Variants in ZNF746 observed in about 807,000 individuals in gnomAD.
ZNF746 encodes zinc finger protein 746, also known as parkin-interacting substrate.
Under a neutral mutation model 41.0 loss-of-function variants are expected in ZNF746, and 13 were observed. That is an observed-to-expected ratio of 0.32 (90% CI 0.21 to 0.50). The LOEUF (loss-of-function observed/expected upper bound fraction) is 0.50. Ranked by LOEUF, ZNF746 falls within the 20% of genes least tolerant of loss-of-function variation. The pLI, the probability that ZNF746 is intolerant of heterozygous loss-of-function variation, is 0.98. For synonymous variants in ZNF746, 424 were observed against 396.2 expected (o/e 1.07, Z -0.83); for missense variants, 811 against 922.9 (o/e 0.88, Z 1.57).
rs1044172190 is a variant in ZNF746, at chr7:149,497,348, G to T, written c.24+165C>A. ...CGGAGTGGGGGCCCGGCCGACGGGC[G>T]CAGTAGGCCCCGGCGGACCCCGCGC... On this transcript the variant is annotated intron_variant, in intron 1 of 6. Coordinates refer to ENST00000458143, the MANE Select transcript of ZNF746 (RefSeq NM_001394198.1). The surrounding 1 kb of genome is among the most constrained non-coding windows in gnomAD (Gnocchi z 4.2). 7.9e-4 allele frequency: 771 copies of T among 974,398 alleles called. 1 individual carries two copies. The highest frequency in any genetic ancestry group is 9.2e-4 in the Non-Finnish European group (752 of 820,284). 60.4% of individuals were successfully genotyped at this position (974,398 alleles called of 1,614,324 possible).
rs1044085789 is a variant in ZNF746 at position 149,494,840 on chromosome 7, G to A, written c.25-337C>T. Among the ~76,000 whole-genome samples the A allele has an allele frequency of 6.6e-6, 1 of 151,862 alleles. No homozygotes were observed. Among genetic ancestry groups the A allele is most frequent in the Non-Finnish European group, 1.5e-5 (1 of 67,996 alleles). ...TTTCATACCACTGTCCTTGACACAT[G>A]GCAGGTACCCAGTGCAATTTTGTTA... is the stretch of plus-strand genomic sequence containing the variant. On this transcript the variant is annotated intron_variant, in intron 1 of 6. Transcript: ENST00000458143. The surrounding 1 kb of genome is among the most constrained non-coding windows in gnomAD (Gnocchi z 5.6).
At chr7:149,476,649 C>A (rs1056973702) in intron 6 of ZNF746, among the ~76,000 whole-genome samples, 2 of 152,146 alleles carry the variant, frequency 1.3e-5, no homozygotes, top group Admixed American at 1.3e-4. Context: ...GGAGGTATAT[C>A]CTTCAAGAGA....
chr7:149,481,185 G>GC (rs1330960058), intron 4 of ZNF746, among the ~76,000 whole-genome samples: 21 of 152,174 alleles, frequency 1.4e-4, no homozygotes, highest in Non-Finnish European at 7.4e-5. Context: ...ATCTTCAAAA[G>GC]CTAAGAGAAA....
At chr7:149,490,479 G>C (rs1800764038) in intron 4 of ZNF746, 2 of 152,510 alleles carry the variant, frequency 1.3e-5, no homozygotes, top group East Asian at 3.9e-4. Flanking sequence ...CAAGAGTGCT[G>C]AGGGTGTGTG....
intron 4 of ZNF746, among the ~76,000 whole-genome samples, chr7:149,482,068 T>C (rs1413348728): frequency 1.3e-5 from 2 of 152,262 alleles, no homozygotes; most frequent in African/African-American, 2.4e-5. Context: ...AAATGATTTA[T>C]ATTATTTTAT....
In ZNF746 at chr7:149,497,438, GC is replaced by G; in HGVS notation, c.24+74del. 1 of 1,051,070 alleles carries G rather than the reference GC, an allele frequency of 9.5e-7. No homozygotes were observed. Among genetic ancestry groups the G allele is most frequent in the East Asian group, 7.4e-5 (1 of 13,464 alleles). 65.1% of individuals were successfully genotyped at this position (1,051,070 alleles called of 1,614,324 possible). On this transcript the variant is annotated intron_variant, in intron 1 of 6. Transcript: ENST00000458143. The surrounding 1 kb of genome is among the most constrained non-coding windows in gnomAD (Gnocchi z 4.2). ...ACCCCGGAACCCCTCCCCAGGGCCT[GC>G]GGCGCCGTGTGCCGGGGCCGGGCCG...
In ZNF746 at chr7:149,497,702, G is replaced by A; in HGVS notation, c.-166C>T. 2.7e-6 allele frequency: 1 copy of A among 375,502 alleles called. No homozygotes were observed. The highest frequency in any genetic ancestry group is 3.7e-6 in the Non-Finnish European group (1 of 271,196). The allele number at this position is 375,502 out of a possible 1,614,324, so 23.3% of individuals were successfully genotyped here. On this transcript the variant is annotated 5_prime_UTR_variant, in exon 1 of 7. Transcript: ENST00000458143. This position sits in a 1 kb window ranked among gnomAD's most constrained non-coding sequence, Gnocchi z 4.2. ...CCCCTGCGCCGCGCCGCCCGCAGTC[G>A]CGCCGCCTCCGTCAGCGCCCGGCCG... is the stretch of plus-strand genomic sequence containing the variant.
chr7:149,474,294 GCGTCTGCCTGAAGCTTCCA>G lies in ZNF746; in HGVS notation c.*71_*89del. On this transcript the variant is annotated 3_prime_UTR_variant, in exon 7 of 7. Coordinates refer to ENST00000458143, the MANE Select transcript of ZNF746 (RefSeq NM_001394198.1). The surrounding 1 kb of genome is among the most constrained non-coding windows in gnomAD (Gnocchi z 6.3). ...TTGGACATTTGGTTCTCCCCGTCCC[GCGTCTGCCTGAAGCTTCCA>G]CGCCGCCCTGCTGCCTGCACACGGG... 6.9e-7 allele frequency: 1 copy of G among 1,449,744 alleles called. No individual in the cohort carries two copies. Among genetic ancestry groups the G allele is most frequent in the Non-Finnish European group, 9.4e-7 (1 of 1,066,742 alleles). The allele number at this position is 1,449,744 out of a possible 1,614,324, so 89.8% of individuals were successfully genotyped here.
chr7:149,487,102 A>G (rs1044560093), intron 4 of ZNF746, among the ~76,000 whole-genome samples: 3 of 151,916 alleles, frequency 2.0e-5, no homozygotes, highest in African/African-American at 7.3e-5. Flanking sequence ...AGCAGCGCGA[A>G]CCCTATTGTG....
At chr7:149,477,789 C>T in intron 4 of ZNF746, 34 bp from the exon 5 acceptor site, 2 of 1,547,592 alleles carry the variant, frequency 1.3e-6, no homozygotes, top group South Asian at 1.2e-5. Flanking sequence ...GATACAGCAT[C>T]ACGGCCCCTC....
chr7:149,497,240 AG>A lies in ZNF746; in HGVS notation c.24+272del. On this transcript the variant is annotated intron_variant, in intron 1 of 6. Transcript: ENST00000458143. This position sits in a 1 kb window ranked among gnomAD's most constrained non-coding sequence, Gnocchi z 4.2. Reference sequence around the variant, plus strand: ...AGGGGACAGCGGCTGGGGCGGGGGCAGGAAGCCCCGGAGGGCCCAAAGAACT... The same window carrying A: ...AGGGGACAGCGGCTGGGGCGGGGGCAGAAGCCCCGGAGGGCCCAAAGAACT... 2.0e-6 allele frequency: 2 copies of A among 982,588 alleles called. No homozygotes were observed. Among genetic ancestry groups the A allele is most frequent in the Non-Finnish European group, 2.4e-6 (2 of 827,404 alleles). 60.9% of individuals were successfully genotyped at this position (982,588 alleles called of 1,614,324 possible). A position where few individuals can be genotyped will look rare whatever the true frequency, so the allele number is the denominator to read the frequency against.
rs753274817 is a variant in ZNF746, at chr7:149,494,323, T to A, written c.205A>T (p.Thr69Ser). The change falls in exon 2 of 7, where the codon ACC (threonine) becomes TCC (serine). Residue 69 changes from threonine to serine, a missense_variant. This residue lies in a region of ZNF746 where 147 missense variants were observed against 233.4 expected (regional missense o/e 0.63). Coordinates refer to ENST00000458143, the MANE Select transcript of ZNF746 (RefSeq NM_001394198.1). This position sits in a 1 kb window ranked among gnomAD's most constrained non-coding sequence, Gnocchi z 5.6. ...QLEGKWAVLG[T>S]LLQEYGLLQR... The stretch of plus-strand genomic sequence containing the variant: ...AGCAGCCCGTACTCCTGCAGCAGGG[T>A]CCCCAGCACGGCCCACTTGCCCTCC... 3.3e-5 allele frequency: 54 copies of A among 1,613,706 alleles called. 1 individual carries two copies. In the Admixed American group the frequency reaches 6.8e-4, roughly 20 times the overall value.
Position 149,474,636 on chromosome 7 carries a change from C to G in ZNF746, c.1731G>C (p.Thr577=), listed in dbSNP as rs780210176. ...SKLIDHYRTH[T]GVRPFTCTVC... ...CGGTGCAGGTGAAGGGCCGCACGCCCGTGTGCGTTCGGTAGTGGTCGATGA... is the reference window on the plus strand; with the variant it reads ...CGGTGCAGGTGAAGGGCCGCACGCCGGTGTGCGTTCGGTAGTGGTCGATGA... The change falls in exon 7 of 7, where the codon ACG becomes ACC. Residue 577 remains threonine, a synonymous_variant. Coordinates refer to ENST00000458143, the MANE Select transcript of ZNF746 (RefSeq NM_001394198.1). This position sits in a 1 kb window ranked among gnomAD's most constrained non-coding sequence, Gnocchi z 6.3. 1.3e-5 allele frequency: 21 copies of G among 1,613,032 alleles called. No homozygotes were observed. The highest frequency in any genetic ancestry group is 1.5e-5 in the Non-Finnish European group (18 of 1,179,620).
Position 149,474,356 on chromosome 7 carries a change from C to G in ZNF746, c.*28G>C. ...CACACGGGGCTTTTTACACGTGCGGCCGGCAGGGGCTATGGGGCTGGAGGC... is the reference window on the plus strand; with the variant it reads ...CACACGGGGCTTTTTACACGTGCGGGCGGCAGGGGCTATGGGGCTGGAGGC... On this transcript the variant is annotated 3_prime_UTR_variant, in exon 7 of 7. Transcript: ENST00000458143. The surrounding 1 kb of genome is among the most constrained non-coding windows in gnomAD (Gnocchi z 6.3). The G allele has an allele frequency of 1.3e-6, 2 of 1,582,610 alleles. No homozygotes were observed. Among genetic ancestry groups the G allele is most frequent in the East Asian group, 4.6e-5 (2 of 43,264 alleles).
intron 4 of ZNF746, among the ~76,000 whole-genome samples, chr7:149,481,510 G>T (rs1367396640): frequency 6.6e-6 from 1 of 152,172 alleles, no homozygotes; most frequent in Non-Finnish European, 1.5e-5. Context: ...TTTCAAATGT[G>T]CAGTTACCTG....
intron 4 of ZNF746, among the ~76,000 whole-genome samples, chr7:149,480,655 T>C (rs1800459466): frequency 6.6e-6 from 1 of 152,126 alleles, no homozygotes; most frequent in Non-Finnish European, 1.5e-5. Flanking sequence ...AGGCTGGTCT[T>C]GAACTCCTGA....
At position 149,475,425 on chromosome 7, in the gene ZNF746, G is replaced by A. The variant is rs755938421; in HGVS notation, c.942C>T (p.Pro314=). 12 of 1,613,862 alleles carry A rather than the reference G, an allele frequency of 7.4e-6. No homozygotes were observed. The highest frequency in any genetic ancestry group is 1.0e-5 in the Non-Finnish European group (12 of 1,179,946). Residue 314 remains proline (P), a synonymous_variant, in exon 7 of 7, where the codon CCC becomes CCT. Coordinates refer to ENST00000458143, the MANE Select transcript of ZNF746 (RefSeq NM_001394198.1). ...EVQEEEVVAT[P]VHPTDLEAHG... is the part of the protein sequence containing the mutation. ...GAGCCTCTAGGTCAGTAGGATGTAC[G>A]GGTGTGGCCACCACCTCCTCTTCCT...
At chr7:149,477,916 G>C (rs1800366890) in intron 4 of ZNF746, 161 bp from the exon 5 acceptor site, 1 of 572,052 alleles carries the variant, frequency 1.7e-6, no homozygotes, top group Admixed American at 3.2e-5. Flanking sequence ...GGGAGCCTAG[G>C]GCAGAGCCTG....
chr7:149,497,656 G>T lies in ZNF746; in HGVS notation c.-120C>A. Reference sequence around the variant, plus strand: ...GCGGCGCCTGCCTGGCCTTTCCTCTGCCGCCGCTCCTCGCTGGCTGCCCCT... The same window carrying T: ...GCGGCGCCTGCCTGGCCTTTCCTCTTCCGCCGCTCCTCGCTGGCTGCCCCT... On this transcript the variant is annotated 5_prime_UTR_variant, in exon 1 of 7. Transcript: ENST00000458143. This position sits in a 1 kb window ranked among gnomAD's most constrained non-coding sequence, Gnocchi z 4.2. The T allele has an allele frequency of 1.3e-6, 1 of 775,468 alleles. No individual in the cohort carries two copies. The highest frequency in any genetic ancestry group is 1.6e-6 in the Non-Finnish European group (1 of 634,726). 48.0% of individuals were successfully genotyped at this position (775,468 alleles called of 1,614,324 possible).
Sources: gnomAD v4.1 joint callset for allele counts (sites outside exome capture counted in the v4.1 genomes callset) on GRCh38, gnomAD v4.1.1 for gene constraint, gnomAD v4.1.1 regional missense constraint, Gnocchi (gnomAD v3.1) non-coding constraint, MANE v1.5 for transcripts, NCBI Gene and HGNC (gene_info 2026-07-23, HGNC 2026-07-21) for gene names.